The following ULK1 variants were observed in gnomAD, a reference collection of about 807,000 sequenced individuals.
The protein encoded by ULK1 is serine/threonine-protein kinase ULK1.
ULK1 carries 48 observed loss-of-function variants against 117.5 expected under a neutral mutation model. That is an observed-to-expected ratio of 0.41 (90% CI 0.32 to 0.52). ULK1 has a LOEUF of 0.52. ULK1 is among the 20% of genes least tolerant of loss of function. The pLI, the probability that ULK1 is intolerant of heterozygous loss-of-function variation, is 0.29. For synonymous variants in ULK1, 790 were observed against 637.8 expected (o/e 1.24, Z -3.60); for missense variants, 1,387 against 1,473.4 (o/e 0.94, Z 0.96).
In ULK1 at chr12:131,908,724, G is replaced by A; in HGVS notation, c.397G>A (p.Gly133Ser). The change falls in exon 6 of 28, where the codon GGC (glycine) becomes AGC (serine). Residue 133 changes from glycine to serine, a missense_variant. Around this residue, in one of 4 missense-constraint regions of ULK1, gnomAD observed 224 missense variants for 325.2 expected, o/e 0.69. Transcript: ENST00000321867. Reference protein sequence around the residue: ...AGAMRLLHSKGIIHRDLKPQN... With the variant: ...AGAMRLLHSKSIIHRDLKPQN... ...CGCCATGCGGCTTCTGCACAGCAAA[G>A]GCATCATCCACCGCGACCTGAAACC... is the stretch of plus-strand genomic sequence containing the variant. 1 of 1,608,192 alleles carries A rather than the reference G, an allele frequency of 6.2e-7. No homozygotes were observed. Among genetic ancestry groups the A allele is most frequent in the Middle Eastern group, 1.7e-4 (1 of 6,044 alleles).
In ULK1 at chr12:131,911,840, C is replaced by T. The variant is rs1011431145; in HGVS notation, c.949-102C>T. 11 of 1,543,582 alleles carry T rather than the reference C, an allele frequency of 7.1e-6. 1 individual carries two copies. Among genetic ancestry groups the T allele is most frequent in the South Asian group, 3.4e-5 (3 of 87,038 alleles). On this transcript the variant is annotated intron_variant, in intron 12 of 27. Coordinates refer to ENST00000321867, the MANE Select transcript of ULK1 (RefSeq NM_003565.4). ...CCAGCCCTTCTCAGCCCCAGCGCCC[C>T]GATCTTTACTGGGGCTCTGGGCCAT...
At chr12:131,895,198 A>T in intron 1 of ULK1, 86 bp downstream of exon 1, 1 of 710,370 alleles carries the variant, frequency 1.4e-6, no homozygotes, top group Non-Finnish European at 1.7e-6. Flanking sequence ...CTGTCCCGGG[A>T]CCCCCCCACG....
At position 131,894,968 on chromosome 12, in the gene ULK1, AC is replaced by A. The variant is rs1888800226; in HGVS notation, c.-28del. On this transcript the variant is annotated 5_prime_UTR_variant, in exon 1 of 28. Coordinates refer to ENST00000321867, the MANE Select transcript of ULK1 (RefSeq NM_003565.4). ...TGAGTCCCCCGCGCCTTGGCCCGCC[AC>A]CCCCCGCCCCGCGCCCCCGGCCCGC... The A allele has an allele frequency of 3.6e-5, 13 of 361,854 alleles. No homozygotes were observed. The highest frequency in any genetic ancestry group is 2.1e-4 in the South Asian group (4 of 18,970). The allele number at this position is 361,854 out of a possible 1,614,324, so 22.4% of individuals were successfully genotyped here. A position where few individuals can be genotyped will look rare whatever the true frequency, so the allele number is the denominator to read the frequency against.
In ULK1 at chr12:131,895,076, C is replaced by T; in HGVS notation, c.75C>T (p.Gly25=). ...CCCGCAAGGACCTGATCGGCCACGGCGCCTTCGCGGTGGTCTTCAAGGGCC... is the reference window on the plus strand; with the variant it reads ...CCCGCAAGGACCTGATCGGCCACGGTGCCTTCGCGGTGGTCTTCAAGGGCC... ...EFSRKDLIGH[G]AFAVVFKGRH... Residue 25 remains glycine, a synonymous_variant, in exon 1 of 28, where the codon GGC becomes GGT. Coordinates refer to ENST00000321867, the MANE Select transcript of ULK1 (RefSeq NM_003565.4). 1 of 1,579,586 alleles carries T rather than the reference C, an allele frequency of 6.3e-7. No homozygotes were observed. Among genetic ancestry groups the T allele is most frequent in the Non-Finnish European group, 8.5e-7 (1 of 1,169,930 alleles).
At chr12:131,920,967 G>A (rs772758083) in intron 26 of ULK1, 133 bp from the exon 27 acceptor site, 16 of 1,269,418 alleles carry the variant, frequency 1.3e-5, no homozygotes, top group Non-Finnish European at 1.6e-5. Context: ...GGCTGCACCA[G>A]CACTTATGTC....
chr12:131,915,072 C>G lies in ULK1; in HGVS notation c.1374-11C>G, dbSNP rs780808019. The G allele has an allele frequency of 3.1e-5, 48 of 1,531,354 alleles. 1 individual carries two copies. The South Asian group carries it at 5.7e-4, about 18-fold the overall frequency. 94.9% of individuals were successfully genotyped at this position (1,531,354 alleles called of 1,614,324 possible). The stretch of plus-strand genomic sequence containing the variant: ...TGAGGCCTCCCCTCCTAATATCTGC[C>G]TTGTCTTCAGGTCCTCTGCCATCCG... On this transcript the variant is annotated splice_polypyrimidine_tract_variant and intron_variant, in intron 16 of 27. Transcript: ENST00000321867.
intron 20 of ULK1, 133 bp from the exon 21 acceptor site, chr12:131,916,820 A>G: frequency 1.0e-6 from 1 of 988,652 alleles, no homozygotes; most frequent in Non-Finnish European, 1.4e-6. Context: ...AGCTGGGGTG[A>G]CAGGAGCGCC....
rs1227436993 is a variant in ULK1, at chr12:131,909,802, T to C, written c.694T>C (p.Phe232Leu). Reference sequence around the variant, plus strand: ...CAGCAGCCCCCAGGACCTGCGCCTGTTCTACGAGAAGAACAAGACGTTGGT... The same window carrying C: ...CAGCAGCCCCCAGGACCTGCGCCTGCTCTACGAGAAGAACAAGACGTTGGT... ...QASSPQDLRL[F>L]YEKNKTLVPT... The change falls in exon 9 of 28, where the codon TTC becomes CTC. Residue 232 changes from phenylalanine (F) to leucine (L), a missense_variant. By Grantham distance (22) the Phe-to-Leu change is conservative. Around this residue, in one of 4 missense-constraint regions of ULK1, gnomAD observed 260 missense variants for 271.6 expected, o/e 0.96. Transcript: ENST00000321867. 1 of 1,611,046 alleles carries C rather than the reference T, an allele frequency of 6.2e-7. No individual in the cohort carries two copies.
At chr12:131,911,857 CTG>C in intron 12 of ULK1, 83 bp from the exon 13 acceptor site, 1 of 1,599,978 alleles carries the variant, frequency 6.3e-7, no homozygotes, top group Non-Finnish European at 8.5e-7. Flanking sequence ...TACTGGGGCT[CTG>C]GGCCATCCCA....
chr12:131,909,023 T>C lies in ULK1; in HGVS notation c.564+52T>C, dbSNP rs757057620. ...CGGGTGGGCGCCTCTCTGGGCTTGC[T>C]GGTTGGTTGGCTGGCGTGTGGTGCG... On this transcript the variant is annotated intron_variant, in intron 7 of 27. Coordinates refer to ENST00000321867, the MANE Select transcript of ULK1 (RefSeq NM_003565.4). 5 of 1,612,112 alleles carry C rather than the reference T, an allele frequency of 3.1e-6. No individual in the cohort carries two copies. In the East Asian group the frequency reaches 1.1e-4, roughly 36 times the overall value.
Position 131,909,920 on chromosome 12 carries a change from A to T in ULK1, c.727A>T (p.Ile243Phe). The T allele has an allele frequency of 5.6e-6, 9 of 1,611,792 alleles. No homozygotes were observed. The highest frequency in any genetic ancestry group is 7.6e-6 in the Non-Finnish European group (9 of 1,179,656). The change falls in exon 10 of 28, where the codon ATC becomes TTC. Residue 243 changes from isoleucine (I) to phenylalanine (F), a missense_variant and splice_region_variant. This residue lies in a region of ULK1 where 260 missense variants were observed against 271.6 expected (regional missense o/e 0.96). Coordinates refer to ENST00000321867, the MANE Select transcript of ULK1 (RefSeq NM_003565.4). ...YEKNKTLVPT[I>F]PRETSAPLRQ... is the part of the protein sequence containing the mutation. ...CACACCAGCCTCCTCTTGCCCCAGC[A>T]TCCCCCGGGAGACCTCGGCCCCGCT...
chr12:131,905,287 G>A (rs1256449368), intron 3 of ULK1, among the ~76,000 whole-genome samples: 2 of 152,168 alleles, frequency 1.3e-5, no homozygotes, highest in East Asian at 3.9e-4. Context: ...GGCTTCTCAC[G>A]TTTATGAAGC....
rs917728003 is a variant in ULK1, at chr12:131,894,698, C to G, written c.-304C>G. ...TTTGTTTCTCCGTTGGGGCCGAGCC[C>G]GGGCCCTAGTTGGAGCCGGAGTCGG... On this transcript the variant is annotated 5_prime_UTR_variant, in exon 1 of 28. Transcript: ENST00000321867. 2.0e-5 allele frequency: 3 copies of G among 151,750 alleles called. No individual in the cohort carries two copies. Among genetic ancestry groups the G allele is most frequent in the African/African-American group, 7.2e-5 (3 of 41,434 alleles). 9.4% of individuals were successfully genotyped at this position (151,750 alleles called of 1,614,324 possible). A position where few individuals can be genotyped will look rare whatever the true frequency, so the allele number is the denominator to read the frequency against.
At position 131,916,015 on chromosome 12, in the gene ULK1, G is replaced by A. The variant is rs1889765087; in HGVS notation, c.1734G>A (p.Leu578=). The A allele has an allele frequency of 1.2e-6, 2 of 1,610,372 alleles. No individual in the cohort carries two copies. The highest frequency in any genetic ancestry group is 1.7e-6 in the Non-Finnish European group (2 of 1,179,302). ...PKLPKPPTDP[L]GAVFSPPQAS... Reference sequence around the variant, plus strand: ...TGCCCAAACCCCCCACGGACCCCCTGGGAGCTGTGTTCAGCCCACCACAGG... The same window carrying A: ...TGCCCAAACCCCCCACGGACCCCCTAGGAGCTGTGTTCAGCCCACCACAGG... The change falls in exon 19 of 28, where the codon CTG becomes CTA. Residue 578 remains leucine (L), a synonymous_variant. Coordinates refer to ENST00000321867, the MANE Select transcript of ULK1 (RefSeq NM_003565.4).
In ULK1 at chr12:131,919,609, CAGCCCACATGCCGGGTTGGGGAGGA is replaced by C. The variant is rs1370910339; in HGVS notation, c.2803+27_2803+51del. The C allele has an allele frequency of 1.2e-6, 2 of 1,608,058 alleles. No homozygotes were observed. Among genetic ancestry groups the C allele is most frequent in the African/African-American group, 2.7e-5 (2 of 74,900 alleles). On this transcript the variant is annotated intron_variant, in intron 25 of 27. Coordinates refer to ENST00000321867, the MANE Select transcript of ULK1 (RefSeq NM_003565.4). ...AAGCAGGGTGAGGGCTGCGACCGCT[CAGCCCACATGCCGGGTTGGGGAGGA>C]AGCCCACCTTGCAACTGCCTGGGTG...
At chr12:131,898,888 T>C (rs1213883760) in intron 3 of ULK1, among the ~76,000 whole-genome samples, 1 of 151,582 alleles carries the variant, frequency 6.6e-6, no homozygotes, top group East Asian at 1.9e-4. Context: ...TGTATTTCTT[T>C]TTTTTTTTGA....
chr12:131,910,203 G>A lies in ULK1; in HGVS notation c.809-51G>A, dbSNP rs1889472225. The A allele has an allele frequency of 2.5e-6, 4 of 1,609,196 alleles. No individual in the cohort carries two copies. In the East Asian group the frequency reaches 8.9e-5, roughly 36 times the overall value. ...TCAGGCCGTGGGGAGGCAGGGGCCT[G>A]GGGTCAGAGCTGGGGTCCTCCTGAG... is the stretch of plus-strand genomic sequence containing the variant. On this transcript the variant is annotated intron_variant, in intron 10 of 27. Coordinates refer to ENST00000321867, the MANE Select transcript of ULK1 (RefSeq NM_003565.4).
In ULK1 at chr12:131,909,887, G is replaced by T. The variant is rs375043217; in HGVS notation, c.726-32G>T. On this transcript the variant is annotated intron_variant, in intron 9 of 27. Coordinates refer to ENST00000321867, the MANE Select transcript of ULK1 (RefSeq NM_003565.4). ...TCCCCCGCGGGCTCCGGCCCCGCAG[G>T]CCCTGCTCACACCAGCCTCCTCTTG... 3 of 1,610,758 alleles carry T rather than the reference G, an allele frequency of 1.9e-6. No individual in the cohort carries two copies. In the African/African-American group the frequency reaches 4.0e-5, roughly 22 times the overall value.
At position 131,909,122 on chromosome 12, in the gene ULK1, T is replaced by A; in HGVS notation, c.565-14T>A. Reference sequence around the variant, plus strand: ...TGCGGGGGCCTCACACTGACCCGACTTCTGGTCCCGCAGGCCCCCGAGGTC... The same window carrying A: ...TGCGGGGGCCTCACACTGACCCGACATCTGGTCCCGCAGGCCCCCGAGGTC... On this transcript the variant is annotated splice_polypyrimidine_tract_variant and intron_variant, in intron 7 of 27. Transcript: ENST00000321867. 1 of 1,603,500 alleles carries A rather than the reference T, an allele frequency of 6.2e-7. No individual in the cohort carries two copies. Among genetic ancestry groups the A allele is most frequent in the Non-Finnish European group, 8.5e-7 (1 of 1,175,826 alleles).
Sources: gnomAD v4.1 joint callset for allele counts (sites outside exome capture counted in the v4.1 genomes callset) on GRCh38, gnomAD v4.1.1 for gene constraint, gnomAD v4.1.1 regional missense constraint, MANE v1.5 for transcripts, NCBI Gene and HGNC (gene_info 2026-07-23, HGNC 2026-07-21) for gene names.